RAB5A: variants seen among roughly 807,000 people sequenced by gnomAD.
The protein encoded by RAB5A is ras-related protein Rab-5A.
In RAB5A, 8 loss-of-function variants were observed where a neutral mutation model predicts 25.7. The observed-to-expected ratio is 0.31, with a 90% CI of 0.18 to 0.56. RAB5A has a LOEUF of 0.56. RAB5A is among the 20% of genes least tolerant of loss of function. The pLI is 0.91. For missense variants in RAB5A, 192 were observed against 259.7 expected, an observed-to-expected ratio of 0.74 and a Z score of 1.79; for synonymous variants, 98 against 89.8, an observed-to-expected ratio of 1.09 and a Z score of -0.52.
chr3:19,983,898 C>T lies in RAB5A; in HGVS notation c.*75C>T, dbSNP rs563802419. The T allele has an allele frequency of 1.2e-4, 123 of 992,190 alleles. No individual in the cohort carries two copies. Among genetic ancestry groups the T allele is most frequent in the South Asian group, 9.6e-4 (65 of 68,054 alleles). The allele number at this position is 992,190 out of a possible 1,614,324, so 61.5% of individuals were successfully genotyped here. A position where few individuals can be genotyped will look rare whatever the true frequency, so the allele number is the denominator to read the frequency against. On this transcript the variant is annotated 3_prime_UTR_variant, in exon 6 of 6. Transcript: ENST00000273047. The stretch of plus-strand genomic sequence containing the variant: ...TAACAATGGAATTGGAGCATTTAAC[C>T]AGCCCAGTATGACTTCCAAAAGAAG...
chr3:19,955,896 TA>T (rs560939787), intron 2 of RAB5A, among the ~76,000 whole-genome samples: 5 of 149,158 alleles, frequency 3.4e-5, no homozygotes, highest in African/African-American at 7.4e-5. Flanking sequence ...GACTCCGTCT[TA>T]AAAAAAAAAT....
chr3:19,961,168 A>G (rs1696579515), intron 2 of RAB5A, among the ~76,000 whole-genome samples: 1 of 152,234 alleles, frequency 6.6e-6, no homozygotes, highest in Non-Finnish European at 1.5e-5. Context: ...GTTATGTGAT[A>G]CATTCCTAGA....
intron 5 of RAB5A, among the ~76,000 whole-genome samples, chr3:19,981,953 G>T (rs73176006): frequency 0.032 from 4,805 of 152,162 alleles, 252 homozygotes; most frequent in African/African-American, 0.11. Flanking sequence ...CATAAAAGGA[G>T]AAAATGAGGT....
intron 2 of RAB5A, among the ~76,000 whole-genome samples, chr3:19,951,890 C>T (rs62241282): frequency 0.15 from 23,120 of 151,180 alleles, 1,972 homozygotes; most frequent in Non-Finnish European, 0.2. Context: ...TGGAAAGGGA[C>T]ATAACAGGAA....
intron 2 of RAB5A, among the ~76,000 whole-genome samples, chr3:19,961,475 G>A (rs370876567): frequency 6.6e-6 from 1 of 152,064 alleles, no homozygotes; most frequent in African/African-American, 2.4e-5. Flanking sequence ...TGACAGGTAG[G>A]GGCCTTCTTG....
chr3:19,948,306 T>G lies in RAB5A; in HGVS notation c.-94+785T>G, dbSNP rs144935454. On this transcript the variant is annotated intron_variant, in intron 1 of 5. Transcript: ENST00000273047. ...AATCAAAGCGTTCAATCAGTTGCCT[T>G]TCACATAATAAGAAAAAAACACTTG... 2.1e-3 allele frequency among the ~76,000 whole-genome samples: 317 copies of G among 152,310 alleles called. 1 individual carries two copies. The highest frequency in any genetic ancestry group is 4.1e-3 in the Non-Finnish European group (277 of 68,030).
intron 5 of RAB5A, chr3:19,978,791 A>G (rs1696867184): frequency 6.3e-6 from 1 of 157,534 alleles, no homozygotes; most frequent in Admixed American, 6.4e-5. Context: ...TTATTGGTAA[A>G]TATAACTCAG....
chr3:19,954,227 C>G (rs568261947), intron 2 of RAB5A, among the ~76,000 whole-genome samples: 1 of 152,202 alleles, frequency 6.6e-6, no homozygotes, highest in Non-Finnish European at 1.5e-5. Flanking sequence ...CTTGGCCAGG[C>G]TGGTCTCAGA....
chr3:19,984,314 A>C lies in RAB5A; in HGVS notation c.*491A>C. The C allele has an allele frequency of 2.4e-6, 1 of 415,226 alleles. No individual in the cohort carries two copies. Among genetic ancestry groups the C allele is most frequent in the Non-Finnish European group, 4.7e-6 (1 of 212,612 alleles). The allele number at this position is 415,226 out of a possible 1,614,324, so 25.7% of individuals were successfully genotyped here. ...CCTGGTACCTGTATTTAAAATGTAC[A>C]TTCCACATTTTAATAAATTAACCAC... On this transcript the variant is annotated 3_prime_UTR_variant, in exon 6 of 6. Coordinates refer to ENST00000273047, the MANE Select transcript of RAB5A (RefSeq NM_004162.5).
intron 5 of RAB5A, among the ~76,000 whole-genome samples, chr3:19,979,382 C>A (rs1696879427): frequency 6.6e-6 from 1 of 150,918 alleles, no homozygotes; most frequent in South Asian, 2.1e-4. Context: ...CTCCTGGATT[C>A]ACGCCATTCT....
chr3:19,966,058 T>C (rs945922057), intron 2 of RAB5A, among the ~76,000 whole-genome samples: 17 of 152,186 alleles, frequency 1.1e-4, no homozygotes, highest in African/African-American at 3.9e-4. Context: ...CGGTAAAATA[T>C]CCGTAACACA....
At position 19,984,474 on chromosome 3, in the gene RAB5A, G is replaced by T. The variant is rs1696994608; in HGVS notation, c.*651G>T. Reference sequence around the variant, plus strand: ...AACCCCATCTTGTTTTAGGAATTTTGAGAACTAATAAATGCACCTTAATGG... The same window carrying T: ...AACCCCATCTTGTTTTAGGAATTTTTAGAACTAATAAATGCACCTTAATGG... On this transcript the variant is annotated 3_prime_UTR_variant, in exon 6 of 6. Coordinates refer to ENST00000273047, the MANE Select transcript of RAB5A (RefSeq NM_004162.5). 4.4e-6 allele frequency: 1 copy of T among 226,844 alleles called. No individual in the cohort carries two copies. Among genetic ancestry groups the T allele is most frequent in the Non-Finnish European group, 8.7e-6 (1 of 114,558 alleles). The allele number at this position is 226,844 out of a possible 1,614,324, so 14.1% of individuals were successfully genotyped here. A position where few individuals can be genotyped will look rare whatever the true frequency, so the allele number is the denominator to read the frequency against.
intron 2 of RAB5A, among the ~76,000 whole-genome samples, chr3:19,969,092 T>G (rs1291527252): frequency 7.2e-6 from 1 of 139,176 alleles, no homozygotes; most frequent in Non-Finnish European, 1.5e-5. Context: ...TTGCCCAGAC[T>G]GGGGTGCAAA....
At chr3:19,955,606 ATTG>A (rs2125180052) in intron 2 of RAB5A, among the ~76,000 whole-genome samples, 1 of 152,286 alleles carries the variant, frequency 6.6e-6, no homozygotes, top group East Asian at 1.9e-4. Flanking sequence ...TTTTAAAAAC[ATTG>A]TTGACTGGGC....
In RAB5A at chr3:19,978,412, A is replaced by G. The variant is rs545847685; in HGVS notation, c.532+9A>G. Reference sequence around the variant, plus strand: ...AATATTCATGGCAATAGGTAAGATTAATATCTCTTTTTAAATGATCAATAT... The same window carrying G: ...AATATTCATGGCAATAGGTAAGATTGATATCTCTTTTTAAATGATCAATAT... On this transcript the variant is annotated intron_variant, in intron 5 of 5. Transcript: ENST00000273047. The G allele has an allele frequency of 3.9e-6, 6 of 1,538,778 alleles. No individual in the cohort carries two copies. In the South Asian group the frequency reaches 5.6e-5, roughly 14 times the overall value.
chr3:19,976,011 G>T, intron 3 of RAB5A, 36 bp from the exon 4 acceptor site: 1 of 1,585,494 alleles, frequency 6.3e-7, no homozygotes, highest in Admixed American at 1.9e-5. Context: ...ACCATTTTTT[G>T]AGCCTGTGCT....
chr3:19,949,250 C>T (rs1696385741), intron 1 of RAB5A, among the ~76,000 whole-genome samples: 1 of 152,078 alleles, frequency 6.6e-6, no homozygotes, highest in African/African-American at 2.4e-5. Context: ...AAGATAAGGA[C>T]TCTAAAAAGC....
intron 3 of RAB5A, 47 bp from the exon 4 acceptor site, chr3:19,976,000 A>G (rs1195400619): frequency 6.3e-7 from 1 of 1,582,700 alleles, no homozygotes; most frequent in Non-Finnish European, 8.5e-7. Flanking sequence ...GATGCTTGGT[A>G]ACCATTTTTT....
chr3:19,955,619 C>T (rs34705953), intron 2 of RAB5A, among the ~76,000 whole-genome samples: 29,319 of 152,004 alleles, frequency 0.19, 2,753 homozygotes, highest in South Asian at 0.22. Flanking sequence ...GTTGACTGGG[C>T]GCGGTAGCTC....
Sources: allele counts gnomAD v4.1 joint callset (sites outside exome capture counted in the v4.1 genomes callset), GRCh38; gene constraint gnomAD v4.1.1; transcripts MANE v1.5; gene names NCBI Gene and HGNC (gene_info 2026-07-23, HGNC 2026-07-21).